ZC3H12B: variants seen among roughly 807,000 people sequenced by gnomAD.
The protein encoded by ZC3H12B is zinc finger CCCH-type containing 12B.
ZC3H12B carries 7 observed loss-of-function variants against 43.9 expected under a neutral mutation model. That is an observed-to-expected ratio of 0.16 (90% CI 0.09 to 0.30). The LOEUF (loss-of-function observed/expected upper bound fraction) is 0.30, where lower values mean the gene tolerates loss of function less well. Among genes scored for constraint, ZC3H12B ranks in the 10% least tolerant of loss-of-function variants. The pLI is 1.00. For synonymous variants in ZC3H12B, 222 were observed against 241.7 expected (o/e 0.92, Z 0.76); for missense variants, 475 against 670.2 (o/e 0.71, Z 3.22).
In ZC3H12B at chrX:65,383,293, A is replaced by T. The variant is rs181770033; in HGVS notation, n.295+14295A>T. On this transcript the variant is annotated intron_variant and non_coding_transcript_variant, in intron 2 of 5. Coordinates refer to the ZC3H12B transcript ENST00000617377. ...GAACAGAACAGAGACATCAGAATTAATGCCGCATATCTACAACTATCTGAT... is the reference window on the plus strand; with the variant it reads ...GAACAGAACAGAGACATCAGAATTATTGCCGCATATCTACAACTATCTGAT... Among the ~76,000 whole-genome samples the T allele has an allele frequency of 6.5e-4, 73 of 111,924 alleles. 1 individual carries two copies. In the East Asian group the frequency reaches 0.012, roughly 18 times the overall value.
the ZC3H12B span, among the ~76,000 whole-genome samples, chrX:65,265,004 G>A: frequency 4.5e-5 from 5 of 111,874 alleles, no homozygotes; most frequent in Middle Eastern, 4.7e-3. Context: ...CAGTGGTAGA[G>A]CGAAGACTAG....
At chrX:65,206,897 A>G in the ZC3H12B span, among the ~76,000 whole-genome samples, 2 of 111,061 alleles carry the variant, frequency 1.8e-5, no homozygotes, top group African/African-American at 3.3e-5. Context: ...CAACAAATAC[A>G]TGAAGAAATA....
chrX:65,363,677 G>A (rs1027018624), upstream of ZC3H12B, among the ~76,000 whole-genome samples: 1 of 111,143 alleles, frequency 9.0e-6, no homozygotes, highest in Non-Finnish European at 1.9e-5. Context: ...CTTACACAAG[G>A]ACCGGGACTG....
chrX:65,359,090 C>T, the ZC3H12B span, among the ~76,000 whole-genome samples: 2 of 111,161 alleles, frequency 1.8e-5, no homozygotes, highest in Non-Finnish European at 3.8e-5. Context: ...CATATAACAG[C>T]ATATCTGTTT....
chrX:65,217,941 A>G, the ZC3H12B span, among the ~76,000 whole-genome samples: 2 of 112,334 alleles, frequency 1.8e-5, no homozygotes, highest in Middle Eastern at 4.6e-3. Context: ...GAAGACCCAG[A>G]TACCAGAAAG....
intron 3 of ZC3H12B, among the ~76,000 whole-genome samples, chrX:65,418,377 T>C (rs1359163754): frequency 2.7e-5 from 3 of 112,078 alleles, no homozygotes; most frequent in African/African-American, 9.7e-5. Context: ...AAATCTATTG[T>C]ACTCCTATGC....
intron 2 of ZC3H12B, among the ~76,000 whole-genome samples, chrX:65,382,708 C>T (rs1422948239): frequency 1.8e-5 from 2 of 111,584 alleles, no homozygotes; most frequent in Admixed American, 1.9e-4. Context: ...AAAACCCCAT[C>T]ATCTCAGCCA....
the ZC3H12B span, among the ~76,000 whole-genome samples, chrX:65,100,566 C>CAAAAAAAAAAAA: frequency 4.2e-3 from 19 of 4,531 alleles, 6 homozygotes; most frequent in African/African-American, 9.3e-3. Flanking sequence ...AAAGATAAAG[C>CAAAAAAAAAAAA]AAAAAAAAAA....
intron 3 of ZC3H12B, among the ~76,000 whole-genome samples, chrX:65,454,272 C>T (rs759696443): frequency 8.9e-5 from 10 of 112,241 alleles, no homozygotes; most frequent in Non-Finnish European, 1.3e-4. Flanking sequence ...AATTGGGTCA[C>T]TCCCACCCTA....
At chrX:65,238,384 G>C in the ZC3H12B span, among the ~76,000 whole-genome samples, 1 of 112,213 alleles carries the variant, frequency 8.9e-6, no homozygotes, top group Non-Finnish European at 1.9e-5. Flanking sequence ...TATGTGTATA[G>C]AGGTGTTCGT....
intron 3 of ZC3H12B, among the ~76,000 whole-genome samples, chrX:65,409,720 T>G (rs2066880471): frequency 9.1e-6 from 1 of 110,373 alleles, no homozygotes; most frequent in Non-Finnish European, 1.9e-5. Context: ...GTAATCCCAT[T>G]TACAATAGCC....
the ZC3H12B span, among the ~76,000 whole-genome samples, chrX:65,053,622 C>T: frequency 9.0e-6 from 1 of 111,456 alleles, no homozygotes; most frequent in Non-Finnish European, 1.9e-5. Context: ...GGTATATACC[C>T]AGTAATGGGA....
At chrX:65,119,906 C>G in the ZC3H12B span, among the ~76,000 whole-genome samples, 2 of 111,732 alleles carry the variant, frequency 1.8e-5, no homozygotes, top group African/African-American at 6.5e-5. Flanking sequence ...AATAGGGAAC[C>G]CTTTCCCCAT....
At chrX:65,065,175 C>A in the ZC3H12B span, among the ~76,000 whole-genome samples, 1 of 110,107 alleles carries the variant, frequency 9.1e-6, no homozygotes, top group Non-Finnish European at 1.9e-5. Context: ...TGAATTGGAT[C>A]CTGTCATTAT....
the ZC3H12B span, among the ~76,000 whole-genome samples, chrX:65,189,771 G>T: frequency 4.3e-4 from 48 of 110,837 alleles, 1 homozygote; most frequent in Admixed American, 4.5e-3. Context: ...GATGGTAGTT[G>T]CTTTTGCTAT....
the ZC3H12B span, among the ~76,000 whole-genome samples, chrX:65,159,843 T>G: frequency 8.9e-6 from 1 of 111,916 alleles, no homozygotes; most frequent in South Asian, 3.8e-4. Context: ...CTTGTGCCAG[T>G]TTTCAAAGGG....
chrX:65,246,406 A>C, the ZC3H12B span, among the ~76,000 whole-genome samples: 1 of 112,281 alleles, frequency 8.9e-6, no homozygotes, highest in Non-Finnish European at 1.9e-5. Context: ...ACTAGAGAAA[A>C]GTAATTTAAA....
rs1319155479 is a variant in ZC3H12B at position 65,483,317 on chromosome X, A to G, written n.408-5329A>G. Among the ~76,000 whole-genome samples, 9 of 111,955 alleles carry G rather than the reference A, an allele frequency of 8.0e-5. No homozygotes were observed. In the Admixed American group the frequency reaches 8.6e-4, roughly 11 times the overall value. On this transcript the variant is annotated intron_variant and non_coding_transcript_variant, in intron 3 of 5. Transcript: ENST00000617377. ...AAACAGATGGGTATAGTTGGAGGTTAAGAAACAATCTTTACCTCCTTTATG... is the reference window on the plus strand; with the variant it reads ...AAACAGATGGGTATAGTTGGAGGTTGAGAAACAATCTTTACCTCCTTTATG...
chrX:65,446,047 C>T (rs1271223555), intron 3 of ZC3H12B, among the ~76,000 whole-genome samples: 11 of 111,193 alleles, frequency 9.9e-5, no homozygotes, highest in Admixed American at 8.6e-4. Flanking sequence ...GGCCCAAAGG[C>T]TCTTTAGTCT....
Sources: gnomAD v4.1 joint callset for allele counts (sites outside exome capture counted in the v4.1 genomes callset) on GRCh38, gnomAD v4.1.1 for gene constraint, MANE v1.5 for transcripts, NCBI Gene and HGNC (gene_info 2026-07-23, HGNC 2026-07-21) for gene names.